The following RBFOX3 variants were observed in gnomAD, a reference collection of about 807,000 sequenced individuals.
RBFOX3 encodes RNA binding fox-1 homolog 3, also known as RNA binding protein fox-1 homolog 3.
Under a neutral mutation model 48.7 loss-of-function variants are expected in RBFOX3, and 17 were observed. The ratio of observed to expected loss-of-function variants is 0.35; its 90% confidence interval spans 0.24 to 0.52. The LOEUF (loss-of-function observed/expected upper bound fraction) is 0.52, where lower values mean the gene tolerates loss of function less well. Among genes scored for constraint, RBFOX3 ranks in the 20% least tolerant of loss-of-function variants. The probability of loss-of-function intolerance (pLI) is 0.94; values close to 1 mark genes in which losing one functional copy is unlikely to be tolerated. For synonymous variants in RBFOX3, 212 were observed against 209.5 expected (o/e 1.01, Z -0.10); for missense variants, 382 against 497.5 (o/e 0.77, Z 2.21).
In RBFOX3 at chr17:79,115,603, G is replaced by C. The variant is rs546031413; in HGVS notation, c.113C>G (p.Pro38Arg). The change falls in exon 5 of 15, where the codon CCG becomes CGG. Residue 38 changes from proline to arginine, a missense_variant. Around this residue, in one of 3 missense-constraint regions of RBFOX3, gnomAD observed 118 missense variants for 132.1 expected, o/e 0.89. Transcript: ENST00000693108. ...GGTCATGCCATGCTCTGTGGGGACCGGGGTCTGGCCGGAGTAGTCCTGCGT... is the reference window on the plus strand; with the variant it reads ...GGTCATGCCATGCTCTGTGGGGACCCGGGTCTGGCCGGAGTAGTCCTGCGT... ...HPTQDYSGQT[P>R]VPTEHGMTLY... 17 of 1,427,872 alleles carry C rather than the reference G, an allele frequency of 1.2e-5. No homozygotes were observed. The South Asian group carries it at 2.4e-4, about 20-fold the overall frequency. The allele number at this position is 1,427,872 out of a possible 1,614,324, so 88.5% of individuals were successfully genotyped here.
At chr17:79,580,165 T>C (rs2093007062) in intron 1 of RBFOX3, among the ~76,000 whole-genome samples, 1 of 151,854 alleles carries the variant, frequency 6.6e-6, no homozygotes, top group South Asian at 2.1e-4. Flanking sequence ...CCTCCCACCA[T>C]GGCTTTGCTT....
chr17:79,280,219 GCACACACACGCACACATGCA>G (rs1311511961), intron 3 of RBFOX3, among the ~76,000 whole-genome samples: 1,196 of 95,302 alleles, frequency 0.013, 24 homozygotes, highest in African/African-American at 0.052. Flanking sequence ...TCACAAACAT[GCACACACACGCACACATGCA>G]CACACACACA....
At chr17:79,344,786 T>C (rs557159563) in intron 2 of RBFOX3, among the ~76,000 whole-genome samples, 15 of 152,094 alleles carry the variant, frequency 9.9e-5, no homozygotes, top group African/African-American at 3.6e-4. Flanking sequence ...AAACTCCTGA[T>C]CTCAGGTGAT....
chr17:79,415,661 C>A (rs373013228), intron 2 of RBFOX3, among the ~76,000 whole-genome samples: 1 of 152,200 alleles, frequency 6.6e-6, no homozygotes, highest in East Asian at 1.9e-4. Flanking sequence ...GCATGCGGCT[C>A]AGTTACGATG....
At chr17:79,651,593 C>T in the RBFOX3 span, among the ~76,000 whole-genome samples, 1 of 151,608 alleles carries the variant, frequency 6.6e-6, no homozygotes, top group African/African-American at 2.4e-5. Context: ...GGTTTGTCCT[C>T]TCCCTTTCTC....
intron 4 of RBFOX3, among the ~76,000 whole-genome samples, chr17:79,224,690 G>T (rs2060115014): frequency 6.6e-6 from 1 of 152,174 alleles, no homozygotes; most frequent in Non-Finnish European, 1.5e-5. Context: ...AGCTTCCTGG[G>T]GACACAATTG....
At position 79,267,057 on chromosome 17, in the gene RBFOX3, C is replaced by T. The variant is rs189037905; in HGVS notation, c.-73-31252G>A. On this transcript the variant is annotated intron_variant, in intron 3 of 14. Transcript: ENST00000693108. ...AGAAGGTGGGTCCTGAAACTAGGAG[C>T]TGGCTTGGAAGTTAGGGTGGTCTTG... Among the ~76,000 whole-genome samples, 9 of 152,304 alleles carry T rather than the reference C, an allele frequency of 5.9e-5. No individual in the cohort carries two copies. In the East Asian group the frequency reaches 1.5e-3, roughly 26 times the overall value.
intron 1 of RBFOX3, among the ~76,000 whole-genome samples, chr17:79,588,836 G>GACCCC (rs2093333860): frequency 1.3e-5 from 2 of 151,086 alleles, no homozygotes; most frequent in African/African-American, 4.9e-5. Flanking sequence ...AATATAGCGA[G>GACCCC]ATCCCATCCT....
At chr17:79,305,423 G>A (rs1167909400) in intron 3 of RBFOX3, among the ~76,000 whole-genome samples, 5 of 152,186 alleles carry the variant, frequency 3.3e-5, no homozygotes, top group Admixed American at 6.5e-5. Context: ...TCAAGACGAC[G>A]CACAGCTGTC....
At chr17:79,571,006 G>A (rs1362797761) in intron 1 of RBFOX3, among the ~76,000 whole-genome samples, 1 of 152,228 alleles carries the variant, frequency 6.6e-6, no homozygotes, top group Non-Finnish European at 1.5e-5. Flanking sequence ...GAGTGGCAGG[G>A]AGGAGGAGTG....
chr17:79,123,624 G>C (rs571713311), intron 4 of RBFOX3, among the ~76,000 whole-genome samples: 41 of 149,568 alleles, frequency 2.7e-4, no homozygotes, highest in Admixed American at 6.7e-4. Flanking sequence ...CGTCTCGGTG[G>C]GCGTGCTCGC....
chr17:79,383,805 A>T (rs1482563055), intron 2 of RBFOX3, among the ~76,000 whole-genome samples: 2 of 151,896 alleles, frequency 1.3e-5, no homozygotes, highest in East Asian at 3.9e-4. Context: ...GGCACACAAC[A>T]CCCGGGAGAT....
rs148686371 is a variant in RBFOX3 at position 79,390,949 on chromosome 17, G to A, written c.-174-83125C>T. Reference sequence around the variant, plus strand: ...CCTGGACCCACCCAAAGCCAGCTCTGCTTCTCCCTTCTCTCTTCCCGCTTT... The same window carrying A: ...CCTGGACCCACCCAAAGCCAGCTCTACTTCTCCCTTCTCTCTTCCCGCTTT... On this transcript the variant is annotated intron_variant, in intron 2 of 14. Coordinates refer to ENST00000693108, the MANE Select transcript of RBFOX3 (RefSeq NM_001350451.2). This position sits in a 1 kb window ranked among gnomAD's most constrained non-coding sequence, Gnocchi z 4.2. Among the ~76,000 whole-genome samples the A allele has an allele frequency of 1.4e-4, 22 of 152,278 alleles. No homozygotes were observed. Among genetic ancestry groups the A allele is most frequent in the South Asian group, 8.3e-4 (4 of 4,830 alleles).
chr17:79,229,821 G>C (rs2060789562), intron 4 of RBFOX3, among the ~76,000 whole-genome samples: 1 of 152,154 alleles, frequency 6.6e-6, no homozygotes, highest in Non-Finnish European at 1.5e-5. Flanking sequence ...CGTGGGCCTG[G>C]GTGAATAATC....
At chr17:79,506,739 T>C (rs1429321925) in intron 1 of RBFOX3, among the ~76,000 whole-genome samples, 1 of 152,124 alleles carries the variant, frequency 6.6e-6, no homozygotes, top group Non-Finnish European at 1.5e-5. Flanking sequence ...TGAGTCTGGA[T>C]GGGAGACAGG....
chr17:79,107,414 G>C (rs1196183715), intron 5 of RBFOX3, among the ~76,000 whole-genome samples: 2 of 152,220 alleles, frequency 1.3e-5, no homozygotes, highest in African/African-American at 4.8e-5. Context: ...CCAAATACTG[G>C]TGGGCAGATG....
chr17:79,661,352 T>C, the RBFOX3 span, among the ~76,000 whole-genome samples: 121 of 152,296 alleles, frequency 7.9e-4, no homozygotes, highest in African/African-American at 2.9e-3. Flanking sequence ...GAACTTCACA[T>C]GAGTGGAATG....
upstream of RBFOX3, among the ~76,000 whole-genome samples, chr17:79,613,658 C>T (rs1195214980): frequency 6.6e-6 from 1 of 152,156 alleles, no homozygotes; most frequent in Non-Finnish European, 1.5e-5. Context: ...CTGAAAAATC[C>T]CACTAAAACT....
intron 2 of RBFOX3, among the ~76,000 whole-genome samples, chr17:79,429,429 G>A (rs1480100751): frequency 2.6e-5 from 4 of 152,232 alleles, no homozygotes; most frequent in Admixed American, 1.3e-4. Context: ...GTGATGGGAG[G>A]AGAAGAGATG....
Sources: gnomAD v4.1 joint callset for allele counts (sites outside exome capture counted in the v4.1 genomes callset) on GRCh38, gnomAD v4.1.1 for gene constraint, gnomAD v4.1.1 regional missense constraint, Gnocchi (gnomAD v3.1) non-coding constraint, MANE v1.5 for transcripts, NCBI Gene and HGNC (gene_info 2026-07-23, HGNC 2026-07-21) for gene names.